Variants in DHRSX observed in about 807,000 individuals in gnomAD.
The protein encoded by DHRSX is dehydrogenase/reductase X-linked.
A neutral mutation model predicts 34.0 loss-of-function variants in DHRSX; 31 were observed. The observed-to-expected ratio is 0.91, with a 90% CI of 0.69 to 1.23. The LOEUF (loss-of-function observed/expected upper bound fraction) is 1.23, where lower values mean the gene tolerates loss of function less well. Ranked by LOEUF, DHRSX falls within the 50% of genes most tolerant of loss-of-function variation. The pLI, the probability that DHRSX is intolerant of heterozygous loss-of-function variation, is 0.00. For synonymous variants in DHRSX, 201 were observed against 183.8 expected (o/e 1.09, Z -0.76); for missense variants, 414 against 428.1 (o/e 0.97, Z 0.29).
intron 3 of DHRSX, among the ~76,000 whole-genome samples, chrX:2,358,065 A>G (rs59067002): frequency 0.018 from 2,674 of 152,320 alleles, 63 homozygotes; most frequent in African/African-American, 0.061. Flanking sequence ...GGGTTATGCT[A>G]CTTTGTCTTC....
At chrX:2,357,347 G>A (rs1426974159) in intron 3 of DHRSX, among the ~76,000 whole-genome samples, 3 of 151,656 alleles carry the variant, frequency 2.0e-5, no homozygotes, top group Non-Finnish European at 2.9e-5. Flanking sequence ...GAAAGGTTTC[G>A]TGCAAAGAAA....
chrX:2,252,498 C>G (rs1349398439), intron 5 of DHRSX, among the ~76,000 whole-genome samples: 1 of 152,142 alleles, frequency 6.6e-6, no homozygotes, highest in Non-Finnish European at 1.5e-5. Context: ...ATATCAGCTA[C>G]AAGCATTCGG....
At chrX:2,285,149 T>G (rs1029875855) in intron 4 of DHRSX, among the ~76,000 whole-genome samples, 2 of 152,174 alleles carry the variant, frequency 1.3e-5, no homozygotes, top group African/African-American at 4.8e-5. Context: ...GGGGATGGTT[T>G]TGGGATGATT....
intron 1 of DHRSX, chrX:2,500,444 G>T: frequency 6.1e-6 from 1 of 164,288 alleles, no homozygotes; most frequent in African/African-American, 2.4e-5. Context: ...GGGCGTGCGA[G>T]CCCCCGGGTC....
chrX:2,445,349 A>C (rs908467832), intron 1 of DHRSX, among the ~76,000 whole-genome samples: 6 of 152,114 alleles, frequency 3.9e-5, no homozygotes, highest in African/African-American at 1.4e-4. Flanking sequence ...CCCACGTCCT[A>C]TGTGTATTTC....
chrX:2,408,827 GA>G lies in DHRSX; in HGVS notation c.218-15del, dbSNP rs753154145. ...CATTATTTCCAGCTAAAAGGAAAAA[GA>G]AAAAAAAGATACGGTGACTTGTAGG... On this transcript the variant is annotated splice_polypyrimidine_tract_variant and intron_variant, in intron 2 of 6. Transcript: ENST00000334651. 1.8e-5 allele frequency: 28 copies of G among 1,572,324 alleles called. No individual in the cohort carries two copies. In the Admixed American group the frequency reaches 2.4e-4, roughly 13 times the overall value.
intron 1 of DHRSX, among the ~76,000 whole-genome samples, chrX:2,428,623 G>A (rs1292889023): frequency 1.3e-5 from 2 of 152,168 alleles, no homozygotes; most frequent in African/African-American, 2.4e-5. Context: ...CCTGTCAGGA[G>A]GTGAGGGACT....
Position 2,450,955 on chromosome X carries a change from G to A in DHRSX, c.110-25651C>T, listed in dbSNP as rs1421404614. 3.9e-5 allele frequency among the ~76,000 whole-genome samples: 6 copies of A among 152,010 alleles called. No individual in the cohort carries two copies. In the South Asian group the frequency reaches 8.3e-4, roughly 21 times the overall value. On this transcript the variant is annotated intron_variant, in intron 1 of 6. Transcript: ENST00000334651. ...AAAAGGGACCCCAGAGAGCTCCCTC[G>A]CCCCTTCCACGCAGAGAAAATGCAT...
intron 4 of DHRSX, among the ~76,000 whole-genome samples, chrX:2,275,470 T>C (rs1178705300): frequency 6.6e-6 from 1 of 150,656 alleles, no homozygotes; most frequent in East Asian, 2.0e-4. Flanking sequence ...TATCGTGCAC[T>C]GCACTCCAGC....
intron 3 of DHRSX, among the ~76,000 whole-genome samples, chrX:2,367,892 T>C (rs2043012628): frequency 6.6e-6 from 1 of 152,122 alleles, no homozygotes; most frequent in African/African-American, 2.4e-5. Context: ...AAACAACTGC[T>C]AAACAATGAA....
At chrX:2,239,305 A>G (rs1177415769) in intron 6 of DHRSX, among the ~76,000 whole-genome samples, 3 of 151,610 alleles carry the variant, frequency 2.0e-5, no homozygotes, top group African/African-American at 7.3e-5. Flanking sequence ...CAGAGGTGGG[A>G]GAATCACTTG....
At chrX:2,405,365 G>A (rs1182984717) in intron 3 of DHRSX, among the ~76,000 whole-genome samples, 3 of 152,020 alleles carry the variant, frequency 2.0e-5, no homozygotes, top group Non-Finnish European at 4.4e-5. Flanking sequence ...GTGGGCGCCT[G>A]TAATCCCAGC....
At chrX:2,491,290 G>A (rs543532804) in intron 1 of DHRSX, among the ~76,000 whole-genome samples, 142 of 152,196 alleles carry the variant, frequency 9.3e-4, no homozygotes, top group South Asian at 7.7e-3. Context: ...GGCTGGTCTC[G>A]AACTCCTGAC....
intron 3 of DHRSX, among the ~76,000 whole-genome samples, chrX:2,333,816 A>G (rs73189633): frequency 0.26 from 39,929 of 151,934 alleles, 6,281 homozygotes; most frequent in African/African-American, 0.43. Context: ...TCAATGTTGA[A>G]CTTCCAATTA....
chrX:2,248,481 C>T lies in DHRSX; in HGVS notation c.597-5251G>A, dbSNP rs761057990. Among the ~76,000 whole-genome samples the T allele has an allele frequency of 1.1e-3, 159 of 145,090 alleles. 1 individual carries two copies. Among genetic ancestry groups the T allele is most frequent in the African/African-American group, 3.8e-3 (152 of 39,518 alleles). On this transcript the variant is annotated intron_variant, in intron 5 of 6. Coordinates refer to ENST00000334651, the MANE Select transcript of DHRSX (RefSeq NM_145177.3). ...TACAAACATTAGCCAAGTGTGGTGG[C>T]GGGCACCTGTAGTCCCAGCTACTCG...
chrX:2,245,659 G>A (rs1295798966), intron 5 of DHRSX, among the ~76,000 whole-genome samples: 3 of 148,384 alleles, frequency 2.0e-5, no homozygotes, highest in African/African-American at 5.0e-5. Context: ...TCCCTAAAAT[G>A]TATAAAACCA....
At chrX:2,432,781 C>T (rs1400832221) in intron 1 of DHRSX, among the ~76,000 whole-genome samples, 3 of 152,068 alleles carry the variant, frequency 2.0e-5, no homozygotes, top group African/African-American at 4.8e-5. Context: ...GCTTCCTAAA[C>T]GAAAATTCAG....
At chrX:2,262,488 G>A (rs751229967) in intron 5 of DHRSX, among the ~76,000 whole-genome samples, 29 of 152,098 alleles carry the variant, frequency 1.9e-4, no homozygotes, top group Non-Finnish European at 3.7e-4. Context: ...GTGCCCACAG[G>A]TACACACAAC....
At chrX:2,387,818 G>T (rs1377724066) in intron 3 of DHRSX, among the ~76,000 whole-genome samples, 3 of 144,838 alleles carry the variant, frequency 2.1e-5, no homozygotes, top group Admixed American at 7.3e-5. Flanking sequence ...TCCAGAGTGT[G>T]CATGGATCAG....
Sources: allele counts gnomAD v4.1 joint callset (sites outside exome capture counted in the v4.1 genomes callset), GRCh38; gene constraint gnomAD v4.1.1; transcripts MANE v1.5; gene names NCBI Gene and HGNC (gene_info 2026-07-23, HGNC 2026-07-21).